IRAK3: variants seen among roughly 807,000 people sequenced by gnomAD.
IRAK3 encodes interleukin-1 receptor-associated kinase 3.
A neutral mutation model predicts 56.6 loss-of-function variants in IRAK3; 57 were observed. The ratio of observed to expected loss-of-function variants is 1.01; its 90% CI spans 0.81 to 1.26. IRAK3 has a LOEUF of 1.26. IRAK3 is among the 50% of genes most tolerant of loss of function. IRAK3 has a pLI of 0.00. For missense variants in IRAK3, 703 were observed against 719.0 expected (o/e 0.98, Z 0.25); for synonymous variants, 258 against 255.7 (o/e 1.01, Z -0.09).
intron 8 of IRAK3, among the ~76,000 whole-genome samples, chr12:66,236,969 C>T (rs550592031): frequency 1.3e-5 from 2 of 151,730 alleles, no homozygotes; most frequent in South Asian, 2.1e-4. Flanking sequence ...TTTCATCTGT[C>T]CTTCCCCTTC....
Position 66,189,279 on chromosome 12 carries a change from CG to C in IRAK3, c.-17del. ...AGGGACCTGGACTCCGCCTCGTCCC[CG>C]GGGCTCGGGCAGCCGAGCCATGGCG... On this transcript the variant is annotated 5_prime_UTR_variant, in exon 1 of 12. Coordinates refer to ENST00000261233, the MANE Select transcript of IRAK3 (RefSeq NM_007199.3). 6.5e-7 allele frequency: 1 copy of C among 1,534,722 alleles called. No individual in the cohort carries two copies. Among genetic ancestry groups the C allele is most frequent in the Non-Finnish European group, 8.7e-7 (1 of 1,146,720 alleles).
chr12:66,230,357 A>C (rs903665922), intron 8 of IRAK3, among the ~76,000 whole-genome samples: 7 of 152,140 alleles, frequency 4.6e-5, no homozygotes, highest in Admixed American at 1.3e-4. Flanking sequence ...GGAAAGGAAA[A>C]AGGCAGGATT....
chr12:66,228,900 G>C (rs1388820811), intron 8 of IRAK3, among the ~76,000 whole-genome samples: 1 of 152,168 alleles, frequency 6.6e-6, no homozygotes, highest in East Asian at 1.9e-4. Flanking sequence ...GGGCTAAGCT[G>C]GGATGTTCGG....
At chr12:66,214,321 C>T (rs2052643579) in intron 5 of IRAK3, among the ~76,000 whole-genome samples, 2 of 150,734 alleles carry the variant, frequency 1.3e-5, no homozygotes, top group South Asian at 2.1e-4. Flanking sequence ...GTCAGGAGTT[C>T]GAGACCAGAC....
At chr12:66,243,378 C>G (rs1030065771) in intron 8 of IRAK3, among the ~76,000 whole-genome samples, 1 of 152,192 alleles carries the variant, frequency 6.6e-6, no homozygotes, top group Admixed American at 6.5e-5. Context: ...TGCTGTAGCA[C>G]TTTTAGTAAC....
chr12:66,227,739 G>A (rs1351292988), intron 7 of IRAK3, among the ~76,000 whole-genome samples: 1 of 146,544 alleles, frequency 6.8e-6, no homozygotes, highest in Non-Finnish European at 1.5e-5. Context: ...CAGCTTGGGT[G>A]ACACGGAGTG....
At chr12:66,234,923 T>C in intron 8 of IRAK3, 1 of 1,614,204 alleles carries the variant, frequency 6.2e-7, no homozygotes, top group South Asian at 1.1e-5. Flanking sequence ...CCCACTGGCC[T>C]TCAGGGCAGA....
chr12:66,214,090 G>A (rs1466232289), intron 5 of IRAK3, among the ~76,000 whole-genome samples: 2 of 152,122 alleles, frequency 1.3e-5, no homozygotes, highest in Non-Finnish European at 2.9e-5. Context: ...GTGAGAAGAG[G>A]ATGCTGGAAA....
chr12:66,198,749 C>CTT (rs377740348), intron 1 of IRAK3, among the ~76,000 whole-genome samples: 33 of 139,644 alleles, frequency 2.4e-4, no homozygotes, highest in African/African-American at 4.5e-4. Flanking sequence ...TTTCCTTCTC[C>CTT]TTTTTTTTTT....
In IRAK3 at chr12:66,189,235, C is replaced by T; in HGVS notation, c.-65C>T. On this transcript the variant is annotated 5_prime_UTR_variant, in exon 1 of 12. The change creates a new upstream start codon in the 5' untranslated region. Transcript: ENST00000261233. Reference sequence around the variant, plus strand: ...AAGCAGGATTTCCGCGGTTGTGTAACGGCCTGTCGCAGGCGTGCAGGGACC... The same window carrying T: ...AAGCAGGATTTCCGCGGTTGTGTAATGGCCTGTCGCAGGCGTGCAGGGACC... 3 of 1,523,424 alleles carry T rather than the reference C, an allele frequency of 2.0e-6. No individual in the cohort carries two copies. Among genetic ancestry groups the T allele is most frequent in the South Asian group, 1.2e-5 (1 of 83,746 alleles). 94.4% of individuals were successfully genotyped at this position (1,523,424 alleles called of 1,614,324 possible). A position where few individuals can be genotyped will look rare whatever the true frequency, so the allele number is the denominator to read the frequency against.
chr12:66,209,728 G>T (rs1041002413), intron 3 of IRAK3, among the ~76,000 whole-genome samples: 8 of 152,200 alleles, frequency 5.3e-5, no homozygotes, highest in African/African-American at 1.9e-4. Flanking sequence ...AGAGCTTTCT[G>T]TTCTCAGTGA....
At chr12:66,218,845 C>T (rs570004680) in intron 6 of IRAK3, among the ~76,000 whole-genome samples, 1 of 152,270 alleles carries the variant, frequency 6.6e-6, no homozygotes, top group Non-Finnish European at 1.5e-5. Flanking sequence ...ACCCCCAGCC[C>T]TTGGTAACTA....
chr12:66,212,976 C>T (rs1255180445), intron 5 of IRAK3, among the ~76,000 whole-genome samples: 1 of 151,866 alleles, frequency 6.6e-6, no homozygotes, highest in Non-Finnish European at 1.5e-5. Context: ...TGCAGCAAAC[C>T]ACCGTGGCAC....
intron 2 of IRAK3, among the ~76,000 whole-genome samples, chr12:66,209,224 T>C (rs1174195505): frequency 6.6e-6 from 1 of 152,168 alleles, no homozygotes; most frequent in Non-Finnish European, 1.5e-5. Flanking sequence ...CAACTACTTA[T>C]GTTTTAAGTG....
chr12:66,241,234 G>A (rs1291188313), intron 8 of IRAK3, among the ~76,000 whole-genome samples: 3 of 152,098 alleles, frequency 2.0e-5, no homozygotes, highest in African/African-American at 7.2e-5. Context: ...GAGAGGGGAT[G>A]GCCTCTCTGT....
intron 5 of IRAK3, among the ~76,000 whole-genome samples, chr12:66,212,564 C>T (rs948453981): frequency 9.2e-5 from 14 of 152,248 alleles, no homozygotes; most frequent in African/African-American, 3.1e-4. Context: ...ATAGTTCTGT[C>T]CTCAAGGAGC....
intron 1 of IRAK3, among the ~76,000 whole-genome samples, chr12:66,200,920 C>T (rs1299590053): frequency 6.6e-6 from 1 of 152,092 alleles, no homozygotes; most frequent in African/African-American, 2.4e-5. Context: ...AAGTGATTCT[C>T]CCACCTCACC....
chr12:66,249,807 C>T lies in IRAK3; in HGVS notation c.*1636C>T, dbSNP rs924793124. 1.3e-5 allele frequency: 2 copies of T among 152,186 alleles called. No homozygotes were observed. Among genetic ancestry groups the T allele is most frequent in the African/African-American group, 4.8e-5 (2 of 41,432 alleles). 9.4% of individuals were successfully genotyped at this position (152,186 alleles called of 1,614,324 possible). A position where few individuals can be genotyped will look rare whatever the true frequency, so the allele number is the denominator to read the frequency against. On this transcript the variant is annotated 3_prime_UTR_variant, in exon 12 of 12. Coordinates refer to ENST00000261233, the MANE Select transcript of IRAK3 (RefSeq NM_007199.3). ...CCCTTCTGCATGTCTTTTATAAAGACCTTTGTGATTTCACTGGGCCCACTC... is the reference window on the plus strand; with the variant it reads ...CCCTTCTGCATGTCTTTTATAAAGATCTTTGTGATTTCACTGGGCCCACTC...
chr12:66,252,998 C>A lies in IRAK3; in HGVS notation c.*4827C>A, dbSNP rs995422362. ...TGGAGTTGCCTGTTAAATTATATTT[C>A]TTCTTCCACAAAACTGCAGGTTCCC... On this transcript the variant is annotated 3_prime_UTR_variant, in exon 12 of 12. Transcript: ENST00000261233. 6.6e-6 allele frequency: 1 copy of A among 152,176 alleles called. No homozygotes were observed. Among genetic ancestry groups the A allele is most frequent in the Non-Finnish European group, 1.5e-5 (1 of 68,038 alleles). The allele number at this position is 152,176 out of a possible 1,614,324, so 9.4% of individuals were successfully genotyped here. A position where few individuals can be genotyped will look rare whatever the true frequency, so the allele number is the denominator to read the frequency against.
Sources: gnomAD v4.1 joint callset for allele counts (sites outside exome capture counted in the v4.1 genomes callset) on GRCh38, gnomAD v4.1.1 for gene constraint, MANE v1.5 for transcripts, NCBI Gene and HGNC (gene_info 2026-07-23, HGNC 2026-07-21) for gene names.